SIDT1: variants seen among roughly 807,000 people sequenced by gnomAD.
SIDT1 encodes the protein SID1 transmembrane family member 1, also known as SID1 transmembrane family, member 1.
In SIDT1, 101 loss-of-function variants were observed where a neutral mutation model predicts 107.5. The ratio of observed to expected loss-of-function variants is 0.94; its 90% CI spans 0.80 to 1.11. The LOEUF (loss-of-function observed/expected upper bound fraction) is 1.11. SIDT1 is among the 50% of genes least tolerant of loss of function. The pLI is 0.00. For missense variants in SIDT1, 1,076 were observed against 1,058.2 expected (o/e 1.02, Z -0.23); for synonymous variants, 395 against 398.2 (o/e 0.99, Z 0.10).
chr3:113,572,992 A>AG (rs1942589623), intron 3 of SIDT1, among the ~76,000 whole-genome samples: 1 of 131,194 alleles, frequency 7.6e-6, no homozygotes, highest in African/African-American at 2.7e-5. Flanking sequence ...AAAGATTTAC[A>AG]TTCCTTTTTT....
At chr3:113,612,389 C>T (rs1009557732) in intron 19 of SIDT1, 195 bp downstream of exon 19, 7 of 645,906 alleles carry the variant, frequency 1.1e-5, no homozygotes, top group African/African-American at 1.8e-5. Context: ...AGCTATTACC[C>T]CTAGTTCTAT....
intron 1 of SIDT1, among the ~76,000 whole-genome samples, chr3:113,538,777 T>C (rs1938477712): frequency 6.6e-6 from 1 of 152,144 alleles, no homozygotes; most frequent in African/African-American, 2.4e-5. Context: ...AAGGTTATGA[T>C]AGGTAAGCAG....
chr3:113,545,379 A>G (rs977829174), intron 1 of SIDT1, among the ~76,000 whole-genome samples: 2 of 152,166 alleles, frequency 1.3e-5, no homozygotes, highest in African/African-American at 4.8e-5. Flanking sequence ...TTTTATTTAT[A>G]TCAGCATGGG....
At chr3:113,567,444 G>A (rs1264727820) in intron 2 of SIDT1, 96 bp from the exon 3 acceptor site, 7 of 1,029,974 alleles carry the variant, frequency 6.8e-6, no homozygotes, top group South Asian at 1.6e-5. Flanking sequence ...AATGAATTTG[G>A]AGAGAAGCAA....
In SIDT1 at chr3:113,619,713, G is replaced by A. The variant is rs761140363; in HGVS notation, c.2077G>A (p.Val693Ile). Residue 693 changes from valine (V) to isoleucine (I), a missense_variant, in exon 21 of 25, where the codon GTT becomes ATT. Physicochemically the swap from Val to Ile is conservative, Grantham distance 29. Transcript: ENST00000264852. ...GGTGTTGCTGGTTGTGGGGAATCTG[G>A]TTAACTGGTCCTTGTAAGTAGTCTT... ...RMVLLVVGNL[V>I]NWSFALFGLI... 6.1e-5 allele frequency: 99 copies of A among 1,614,048 alleles called. No individual in the cohort carries two copies. The South Asian group carries it at 1.0e-3, about 17-fold the overall frequency.
intron 1 of SIDT1, among the ~76,000 whole-genome samples, 159 bp from the exon 2 acceptor site, chr3:113,566,245 GCATTTGGATTACCTAT>G (rs1941893268): frequency 6.6e-6 from 1 of 152,164 alleles, no homozygotes; most frequent in Non-Finnish European, 1.5e-5. Flanking sequence ...AACAACTGGG[GCATTTGGATTACCTAT>G]CATGAGAAGC....
In SIDT1 at chr3:113,608,170, G is replaced by A. The variant is rs1414134375; in HGVS notation, c.1555G>A (p.Asp519Asn). The A allele has an allele frequency of 9.3e-6, 15 of 1,611,400 alleles. No individual in the cohort carries two copies. The highest frequency in any genetic ancestry group is 6.7e-5 in the East Asian group (3 of 44,834). ...CTTCCTGCTGATAGTCTTGCGCCGC[G>A]ACATCCTCCATCGGAGAGCCCTGGA... ...FLFLLIVLRR[D>N]ILHRRALEAK... is the part of the protein sequence containing the mutation. Residue 519 changes from aspartate to asparagine, a missense_variant, in exon 16 of 25, where the codon GAC (aspartate) becomes AAC (asparagine). Transcript: ENST00000264852.
At position 113,578,036 on chromosome 3, in the gene SIDT1, G is replaced by A. The variant is rs1943039309; in HGVS notation, c.561+1069G>A. ...TCCTGTCTGTGAAAGTCTCTGCAACGCATGTATACTGCCACCCAGTGGCAG... is the reference window on the plus strand; with the variant it reads ...TCCTGTCTGTGAAAGTCTCTGCAACACATGTATACTGCCACCCAGTGGCAG... On this transcript the variant is annotated intron_variant, in intron 4 of 24. Coordinates refer to ENST00000264852, the MANE Select transcript of SIDT1 (RefSeq NM_017699.3). Among the ~76,000 whole-genome samples the A allele has an allele frequency of 3.3e-5, 5 of 152,306 alleles. No individual in the cohort carries two copies. The South Asian group carries it at 1.0e-3, about 32-fold the overall frequency.
chr3:113,611,985 A>C (rs1286016668), intron 18 of SIDT1, 101 bp from the exon 19 acceptor site: 113 of 711,528 alleles, frequency 1.6e-4, no homozygotes, highest in East Asian at 2.9e-4. Context: ...GAATGTGCAC[A>C]CAGCTGTTTT....
intron 3 of SIDT1, 119 bp from the exon 4 acceptor site, chr3:113,576,803 G>A (rs1425907292): frequency 1.2e-5 from 13 of 1,048,034 alleles, no homozygotes; most frequent in Middle Eastern, 2.2e-4. Context: ...CTCACCAAGG[G>A]TGAAGCTCTC....
chr3:113,578,266 C>T (rs1041709765), intron 4 of SIDT1, among the ~76,000 whole-genome samples: 2 of 151,458 alleles, frequency 1.3e-5, no homozygotes, highest in African/African-American at 2.4e-5. Context: ...GAGATCGAGA[C>T]CATCCTGGCT....
chr3:113,587,830 T>A (rs1361791684), intron 9 of SIDT1, among the ~76,000 whole-genome samples: 3 of 152,116 alleles, frequency 2.0e-5, no homozygotes, highest in Non-Finnish European at 4.4e-5. Context: ...AGCAGGCTGA[T>A]CAAAATGGGT....
chr3:113,535,562 C>G (rs781469964), intron 1 of SIDT1, among the ~76,000 whole-genome samples: 2 of 152,060 alleles, frequency 1.3e-5, no homozygotes, highest in Non-Finnish European at 2.9e-5. Flanking sequence ...TTTTATGAAA[C>G]AGTTTTGAAA....
At chr3:113,542,571 T>A (rs75472708) in intron 1 of SIDT1, among the ~76,000 whole-genome samples, 6,412 of 152,242 alleles carry the variant, frequency 0.042, 254 homozygotes, top group African/African-American at 0.11. Flanking sequence ...TGCTTCTTAC[T>A]TTTTTTACTT....
the SIDT1 span, among the ~76,000 whole-genome samples, chr3:113,634,694 C>T: frequency 6.6e-6 from 1 of 151,766 alleles, no homozygotes; most frequent in Non-Finnish European, 1.5e-5. Context: ...ATTCCAGCTA[C>T]TAGGGAGGCT....
intron 9 of SIDT1, among the ~76,000 whole-genome samples, chr3:113,586,007 T>C (rs375781013): frequency 2.0e-5 from 3 of 152,164 alleles, no homozygotes; most frequent in Non-Finnish European, 4.4e-5. Flanking sequence ...TTCTTGAACA[T>C]GTAAAGAAAA....
Position 113,627,868 on chromosome 3 carries a change from A to C in SIDT1, c.*160A>C, listed in dbSNP as rs1946956959. The stretch of plus-strand genomic sequence containing the variant: ...GAAGGAGAGGGGCTGCGGGAGATTT[A>C]AACCTGCAAGAAAGGAGGCAGAAGG... On this transcript the variant is annotated 3_prime_UTR_variant, in exon 25 of 25. Coordinates refer to ENST00000264852, the MANE Select transcript of SIDT1 (RefSeq NM_017699.3). 8 of 652,748 alleles carry C rather than the reference A, an allele frequency of 1.2e-5. No homozygotes were observed. Among genetic ancestry groups the C allele is most frequent in the Non-Finnish European group, 2.1e-5 (8 of 373,394 alleles). 40.4% of individuals were successfully genotyped at this position (652,748 alleles called of 1,614,324 possible).
At position 113,604,877 on chromosome 3, in the gene SIDT1, A is replaced by G. The variant is rs137898054; in HGVS notation, c.1338-33A>G. Reference sequence around the variant, plus strand: ...CCAAAGACTCCACTGTTCATTTGAAAATAAGCATTTCTGGTTCTTTCTGCC... The same window carrying G: ...CCAAAGACTCCACTGTTCATTTGAAGATAAGCATTTCTGGTTCTTTCTGCC... On this transcript the variant is annotated intron_variant, in intron 13 of 24. Transcript: ENST00000264852. The G allele has an allele frequency of 9.9e-5, 160 of 1,612,546 alleles. 1 individual carries two copies. In the African/African-American group the frequency reaches 1.9e-3, roughly 19 times the overall value.
intron 3 of SIDT1, among the ~76,000 whole-genome samples, chr3:113,571,545 T>C (rs978823756): frequency 2.0e-5 from 3 of 148,112 alleles, no homozygotes; most frequent in African/African-American, 7.3e-5. Flanking sequence ...TACACTCCAG[T>C]GCCCAGGTGT....
Sources: gnomAD v4.1 joint callset for allele counts (sites outside exome capture counted in the v4.1 genomes callset) on GRCh38, gnomAD v4.1.1 for gene constraint, MANE v1.5 for transcripts, NCBI Gene and HGNC (gene_info 2026-07-23, HGNC 2026-07-21) for gene names.